RPH3AL: variants seen among roughly 807,000 people sequenced by gnomAD.
RPH3AL encodes rabphilin 3A like (without C2 domains), also known as rab effector Noc2.
Under a neutral mutation model 43.1 loss-of-function variants are expected in RPH3AL, and 38 were observed. That is an observed-to-expected ratio of 0.88 (90% confidence interval 0.68 to 1.15). RPH3AL has a LOEUF of 1.15. Ranked by LOEUF, RPH3AL falls within the 50% of genes most tolerant of loss-of-function variation. RPH3AL has a pLI of 0.00. For missense variants in RPH3AL, 462 were observed against 423.2 expected (o/e 1.09, Z -0.81); for synonymous variants, 189 against 176.3 (o/e 1.07, Z -0.57).
intron 5 of RPH3AL, among the ~76,000 whole-genome samples, chr17:310,930 G>A (rs796143315): frequency 1.2e-4 from 19 of 152,294 alleles, no homozygotes; most frequent in African/African-American, 4.6e-4. Context: ...CCCCAGGGGG[G>A]CAGTGCCTCT....
intron 6 of RPH3AL, among the ~76,000 whole-genome samples, chr17:260,608 C>T (rs1156852302): frequency 6.6e-6 from 1 of 152,186 alleles, no homozygotes; most frequent in Non-Finnish European, 1.5e-5. Flanking sequence ...ACTGAGCGGT[C>T]TTCTCAATTA....
intron 7 of RPH3AL, among the ~76,000 whole-genome samples, chr17:240,616 G>A (rs934193130): frequency 1.3e-5 from 2 of 152,192 alleles, no homozygotes; most frequent in Admixed American, 6.5e-5. Context: ...AGGCTGCAGC[G>A]TGGATCAGCA....
rs1162115874 is a variant in RPH3AL at position 225,815 on chromosome 17, C to T, written c.614-6079G>A. Reference sequence around the variant, plus strand: ...CGGGGCTCCGTGGTGTCACACAGTACCAGGCTCCTTTGGTGCAAAGGGGCA... The same window carrying T: ...CGGGGCTCCGTGGTGTCACACAGTATCAGGCTCCTTTGGTGCAAAGGGGCA... On this transcript the variant is annotated intron_variant, in intron 7 of 9. Transcript: ENST00000331302. This position sits in a 1 kb window ranked among gnomAD's most constrained non-coding sequence, Gnocchi z 4.4. 6.6e-6 allele frequency among the ~76,000 whole-genome samples: 1 copy of T among 152,208 alleles called. No individual in the cohort carries two copies. Among genetic ancestry groups the T allele is most frequent in the East Asian group, 1.9e-4 (1 of 5,186 alleles).
chr17:332,660 G>A (rs560954624), intron 2 of RPH3AL: 6 of 230,238 alleles, frequency 2.6e-5, no homozygotes, highest in Non-Finnish European at 5.4e-5. Flanking sequence ...ACCAGGCTCT[G>A]CGACTTGCTG....
In RPH3AL at chr17:273,211, C is replaced by T. The variant is rs1266094674; in HGVS notation, c.438+8557G>A. Among the ~76,000 whole-genome samples the T allele has an allele frequency of 2.1e-4, 19 of 92,404 alleles. 2 individuals carry two copies. Among genetic ancestry groups the T allele is most frequent in the East Asian group, 6.4e-4 (2 of 3,130 alleles). 60.6% of individuals were successfully genotyped at this position (92,404 alleles called of 152,430 possible). Reference sequence around the variant, plus strand: ...CAGGGAGAGACCCCAGCGAGGGTGACGTCAGGGTGAGACCCCAGCGAGGGC... The same window carrying T: ...CAGGGAGAGACCCCAGCGAGGGTGATGTCAGGGTGAGACCCCAGCGAGGGC... On this transcript the variant is annotated intron_variant, in intron 6 of 9. Coordinates refer to ENST00000331302, the MANE Select transcript of RPH3AL (RefSeq NM_006987.4).
intron 7 of RPH3AL, among the ~76,000 whole-genome samples, chr17:219,969 A>G (rs2040917516): frequency 6.6e-6 from 1 of 152,178 alleles, no homozygotes; most frequent in South Asian, 2.1e-4. Context: ...GCTCAGGCTG[A>G]CCAGCAGAGA....
At chr17:236,798 A>G (rs532779019) in intron 7 of RPH3AL, among the ~76,000 whole-genome samples, 2 of 152,272 alleles carry the variant, frequency 1.3e-5, no homozygotes, top group Non-Finnish European at 2.9e-5. Flanking sequence ...GTCGGAAAAG[A>G]AAAAGCCAGT....
chr17:235,415 G>A (rs1270324825), intron 7 of RPH3AL, among the ~76,000 whole-genome samples: 1 of 144,012 alleles, frequency 6.9e-6, no homozygotes, highest in Non-Finnish European at 1.5e-5. Flanking sequence ...TTCAAAGCTG[G>A]GGTCGGCCGA....
chr17:264,289 T>C lies in RPH3AL; in HGVS notation c.439-17004A>G, dbSNP rs567567933. Among the ~76,000 whole-genome samples, 129 of 148,332 alleles carry C rather than the reference T, an allele frequency of 8.7e-4. 1 individual carries two copies. Among genetic ancestry groups the C allele is most frequent in the African/African-American group, 3.2e-3 (124 of 38,380 alleles). ...ACCCTTCGGAGCCGCGAGCGCTGGATGGGGACTCAGAATCCGCAGCACGTT... is the reference window on the plus strand; with the variant it reads ...ACCCTTCGGAGCCGCGAGCGCTGGACGGGGACTCAGAATCCGCAGCACGTT... On this transcript the variant is annotated intron_variant, in intron 6 of 9. Transcript: ENST00000331302. This position sits in a 1 kb window ranked among gnomAD's most constrained non-coding sequence, Gnocchi z 4.8.
intron 1 of RPH3AL, among the ~76,000 whole-genome samples, chr17:334,992 G>C (rs2044911409): frequency 6.6e-6 from 1 of 152,234 alleles, no homozygotes; most frequent in Non-Finnish European, 1.5e-5. Flanking sequence ...TCTTGTTTCA[G>C]GGACACGTTC....
rs776116612 is a variant in RPH3AL at position 321,306 on chromosome 17, C to T, written c.187G>A (p.Glu63Lys). The T allele has an allele frequency of 5.0e-6, 8 of 1,610,692 alleles. No individual in the cohort carries two copies. The highest frequency in any genetic ancestry group is 6.8e-6 in the Non-Finnish European group (8 of 1,179,928). ...EAILQVIQRA[E>K]RLDVLEQQRI... is the part of the protein sequence containing the mutation. The stretch of plus-strand genomic sequence containing the variant: ...TGCTGCTCCAGGACGTCGAGCCGCT[C>T]TGCCCTCTGGATGACCTGCAGGATG... The change falls in exon 4 of 10, where the codon GAG (glutamate) becomes AAG (lysine). Residue 63 changes from glutamate to lysine, a missense_variant. Coordinates refer to ENST00000331302, the MANE Select transcript of RPH3AL (RefSeq NM_006987.4).
At chr17:325,177 T>G (rs1035131845) in intron 3 of RPH3AL, among the ~76,000 whole-genome samples, 27 of 152,160 alleles carry the variant, frequency 1.8e-4, no homozygotes, top group Non-Finnish European at 8.8e-5. Flanking sequence ...TTTTAAAGAC[T>G]TCTTTACACA....
intron 6 of RPH3AL, among the ~76,000 whole-genome samples, chr17:265,595 A>C (rs1555547734): frequency 6.6e-6 from 1 of 151,946 alleles, no homozygotes; most frequent in African/African-American, 2.4e-5. Flanking sequence ...TCTGTTTATA[A>C]TTTCTCCTTG....
chr17:293,160 C>T (rs1310766596), intron 5 of RPH3AL, among the ~76,000 whole-genome samples: 4 of 152,166 alleles, frequency 2.6e-5, no homozygotes, highest in African/African-American at 7.2e-5. Context: ...CCTGTGCCAG[C>T]CCCCAGCCAC....
intron 6 of RPH3AL, among the ~76,000 whole-genome samples, chr17:280,240 G>A (rs1318117149): frequency 6.6e-6 from 1 of 152,190 alleles, no homozygotes; most frequent in Non-Finnish European, 1.5e-5. Context: ...GACTAAAAGT[G>A]ACCCTTGGGA....
At position 274,659 on chromosome 17, in the gene RPH3AL, G is replaced by T. The variant is rs1196241010; in HGVS notation, c.438+7109C>A. Among the ~76,000 whole-genome samples the T allele has an allele frequency of 3.3e-5, 5 of 152,178 alleles. No individual in the cohort carries two copies. Among genetic ancestry groups the T allele is most frequent in the African/African-American group, 7.2e-5 (3 of 41,450 alleles). Reference sequence around the variant, plus strand: ...GGGCCAGGTCGCAGGAGAGTCAAAGGTGCCTCCTGCATGGGGCAGGGTCAC... The same window carrying T: ...GGGCCAGGTCGCAGGAGAGTCAAAGTTGCCTCCTGCATGGGGCAGGGTCAC... On this transcript the variant is annotated intron_variant, in intron 6 of 9. Transcript: ENST00000331302. This position sits in a 1 kb window ranked among gnomAD's most constrained non-coding sequence, Gnocchi z 4.7.
intron 6 of RPH3AL, among the ~76,000 whole-genome samples, chr17:272,967 T>TGAGACCCCAGCGAGGGCGACATCAGGGA (rs1567604361): frequency 4.4e-4 from 22 of 50,476 alleles, no homozygotes; most frequent in African/African-American, 1.8e-3. Context: ...TACGTCAGGG[T>TGAGACCCCAGCGAGGGCGACATCAGGGA]GAGACCCCAG....
intron 7 of RPH3AL, among the ~76,000 whole-genome samples, chr17:222,330 C>G (rs561731011): frequency 3.2e-4 from 49 of 152,352 alleles, no homozygotes; most frequent in African/African-American, 1.1e-3. Flanking sequence ...GTGGCTCCTG[C>G]TCACAACCCT....
At chr17:271,523 A>G (rs548780565) in intron 6 of RPH3AL, among the ~76,000 whole-genome samples, 2 of 152,234 alleles carry the variant, frequency 1.3e-5, no homozygotes, top group African/African-American at 4.8e-5. Flanking sequence ...TAGGTATTTT[A>G]TTCTCTTTGA....
Sources: gnomAD v4.1 joint callset for allele counts (sites outside exome capture counted in the v4.1 genomes callset) on GRCh38, gnomAD v4.1.1 for gene constraint, Gnocchi (gnomAD v3.1) non-coding constraint, MANE v1.5 for transcripts, NCBI Gene and HGNC (gene_info 2026-07-23, HGNC 2026-07-21) for gene names.